The following IL7 variants were observed in gnomAD, a reference collection of about 807,000 sequenced individuals.
The protein encoded by IL7 is interleukin 7.
A neutral mutation model predicts 21.6 loss-of-function variants in IL7; 3 were observed. That is an observed-to-expected ratio of 0.14 (90% confidence interval 0.06 to 0.36). The LOEUF is 0.36. Among genes scored for constraint, IL7 ranks in the 10% least tolerant of loss-of-function variants. The pLI is 1.00. For synonymous variants in IL7, 62 were observed against 68.1 expected (o/e 0.91, Z 0.44); for missense variants, 175 against 200.2 (o/e 0.87, Z 0.76).
At chr8:78,681,578 C>T (rs573515535) in intron 4 of IL7, among the ~76,000 whole-genome samples, 16 of 152,104 alleles carry the variant, frequency 1.1e-4, no homozygotes, top group African/African-American at 3.6e-4. Context: ...AAAGTTGTTT[C>T]GTTGTTTTCT....
chr8:78,729,196 C>A (rs1018065368), downstream of IL7, among the ~76,000 whole-genome samples: 1 of 151,856 alleles, frequency 6.6e-6, no homozygotes, highest in Non-Finnish European at 1.5e-5. Flanking sequence ...CCTAAAATAC[C>A]ACCTTTCTCC....
intron 2 of IL7, among the ~76,000 whole-genome samples, chr8:78,780,080 A>G (rs893530022): frequency 6.6e-6 from 1 of 151,888 alleles, no homozygotes; most frequent in Non-Finnish European, 1.5e-5. Context: ...GTCAGTGATG[A>G]TATTTATCTT....
At chr8:78,761,057 A>G in intron 2 of IL7, 1 of 1,611,758 alleles carries the variant, frequency 6.2e-7, no homozygotes, top group African/African-American at 1.3e-5. Flanking sequence ...ATTCCATCTA[A>G]TATTTGTGTC....
At position 78,721,720 on chromosome 8, in the gene IL7, A is replaced by G. The variant is rs1205211599; in HGVS notation, n.268-280T>C. On this transcript the variant is annotated intron_variant and non_coding_transcript_variant, in intron 3 of 6. Coordinates refer to the IL7 transcript ENST00000519833. ...TTAAGATGAATGCCCTTATGTACTG[A>G]TGGTGGAAATATAAATAGATCATAC... Among the ~76,000 whole-genome samples, 35 of 152,026 alleles carry G rather than the reference A, an allele frequency of 2.3e-4. 1 individual carries two copies. Among genetic ancestry groups the G allele is most frequent in the Admixed American group, 2.3e-3 (35 of 15,218 alleles).
intron 2 of IL7, among the ~76,000 whole-genome samples, chr8:78,777,879 G>A (rs771738629): frequency 1.3e-5 from 2 of 151,864 alleles, no homozygotes; most frequent in African/African-American, 2.4e-5. Flanking sequence ...AAGCCTGATC[G>A]CTCCTTATTA....
chr8:78,746,789 A>C, intron 2 of IL7: 2 of 336,634 alleles, frequency 5.9e-6, no homozygotes, highest in Non-Finnish European at 1.2e-5. Context: ...GTTTGTAGCA[A>C]AAACTGACTG....
exon 7 of IL7, chr8:78,717,960 A>G (rs1811158179): frequency 6.5e-6 from 1 of 152,714 alleles, no homozygotes; most frequent in East Asian, 1.9e-4. Flanking sequence ...TTGTAATTAA[A>G]GAGAACAGTT....
At chr8:78,694,823 A>G (rs1810346822) in intron 3 of IL7, among the ~76,000 whole-genome samples, 2 of 152,234 alleles carry the variant, frequency 1.3e-5, no homozygotes, top group South Asian at 4.1e-4. Context: ...AATAATAATT[A>G]CCAAATAATA....
chr8:78,761,869 A>T, intron 2 of IL7: 1 of 1,611,824 alleles, frequency 6.2e-7, no homozygotes, highest in Non-Finnish European at 8.5e-7. Context: ...CATCAGCCTC[A>T]TGTCCGTCCA....
At chr8:78,768,023 T>C (rs1812815268) in intron 2 of IL7, among the ~76,000 whole-genome samples, 1 of 152,124 alleles carries the variant, frequency 6.6e-6, no homozygotes, top group South Asian at 2.1e-4. Flanking sequence ...ATGCGGTGTT[T>C]GGCTTTTTGT....
At chr8:78,730,563 ATTAGTTATGTT>A (rs1811406818), downstream of IL7, among the ~76,000 whole-genome samples, 2 of 151,928 alleles carry the variant, frequency 1.3e-5, no homozygotes, top group South Asian at 4.1e-4. Context: ...ATTGTCCTAA[ATTAGTTATGTT>A]TTCTGGTGCT....
intron 2 of IL7, among the ~76,000 whole-genome samples, chr8:78,794,148 C>A (rs1813781800): frequency 6.6e-6 from 1 of 152,086 alleles, no homozygotes; most frequent in Non-Finnish European, 1.5e-5. Context: ...GATATTTTGA[C>A]CTCCTCCCAT....
At chr8:78,761,959 G>A in intron 2 of IL7, 1 of 1,609,966 alleles carries the variant, frequency 6.2e-7, no homozygotes, top group Non-Finnish European at 8.5e-7. Context: ...TCTCTTCAAG[G>A]GTTAGAGGTA....
intron 5 of IL7, among the ~76,000 whole-genome samples, chr8:78,720,085 G>C (rs1016493796): frequency 9.9e-5 from 15 of 151,792 alleles, no homozygotes; most frequent in African/African-American, 3.6e-4. Flanking sequence ...GAGCTATACA[G>C]TTTAATGGCA....
intron 2 of IL7, among the ~76,000 whole-genome samples, chr8:78,787,523 C>A (rs1813552217): frequency 6.6e-6 from 1 of 152,166 alleles, no homozygotes; most frequent in African/African-American, 2.4e-5. Context: ...CATGCATAGC[C>A]TTCCCTGTTA....
At chr8:78,766,603 T>C (rs1812759487) in intron 2 of IL7, among the ~76,000 whole-genome samples, 1 of 152,134 alleles carries the variant, frequency 6.6e-6, no homozygotes, top group Admixed American at 6.5e-5. Flanking sequence ...TTTGTATCAT[T>C]CTCACTTTAT....
At position 78,753,331 on chromosome 8, in the gene IL7, C is replaced by T. The variant is rs190958410; in HGVS notation, c.148-13249G>A. Reference sequence around the variant, plus strand: ...TTTTGATTTGCATTTCTCTAATGACCAGTGATGATGAACTTTTTTTGATAT... The same window carrying T: ...TTTTGATTTGCATTTCTCTAATGACTAGTGATGATGAACTTTTTTTGATAT... On this transcript the variant is annotated intron_variant, in intron 2 of 5. Transcript: ENST00000263851. Among the ~76,000 whole-genome samples the T allele has an allele frequency of 4.4e-3, 674 of 152,272 alleles. 7 individuals are homozygous for T. Among genetic ancestry groups the T allele is most frequent in the African/African-American group, 0.015 (623 of 41,538 alleles).
intron 4 of IL7, among the ~76,000 whole-genome samples, chr8:78,681,500 A>G (rs1460792981): frequency 1.3e-5 from 2 of 152,188 alleles, no homozygotes; most frequent in Non-Finnish European, 2.9e-5. Context: ...TTGCATTTAT[A>G]TTAATCAGAG....
chr8:78,791,947 T>C (rs1813711744), intron 2 of IL7, among the ~76,000 whole-genome samples: 1 of 152,074 alleles, frequency 6.6e-6, no homozygotes, highest in Admixed American at 6.6e-5. Context: ...TAAAAAAAGG[T>C]AGTCAATCCA....
Sources: allele counts gnomAD v4.1 joint callset (sites outside exome capture counted in the v4.1 genomes callset), GRCh38; gene constraint gnomAD v4.1.1; transcripts MANE v1.5; gene names NCBI Gene and HGNC (gene_info 2026-07-23, HGNC 2026-07-21).